Variants in SSBP2 observed in about 807,000 individuals in gnomAD.
SSBP2 encodes single-stranded DNA-binding protein 2.
In SSBP2, 17 loss-of-function variants were observed where a neutral mutation model predicts 61.8. The ratio of observed to expected loss-of-function variants is 0.28; its 90% CI spans 0.19 to 0.41. The LOEUF is 0.41. Ranked by LOEUF, SSBP2 falls within the 10% of genes least tolerant of loss-of-function variation. SSBP2 has a pLI of 1.00. For missense variants in SSBP2, 310 were observed against 458.7 expected, an observed-to-expected ratio of 0.68 and a Z score of 2.96; for synonymous variants, 139 against 141.3, an observed-to-expected ratio of 0.98 and a Z score of 0.12.
intron 4 of SSBP2, among the ~76,000 whole-genome samples, chr5:81,549,480 G>A (rs968999591): frequency 3.3e-5 from 5 of 152,074 alleles, no homozygotes; most frequent in South Asian, 2.1e-4. Context: ...CTTCTCGCAC[G>A]TATCCTACAC....
At chr5:81,602,597 G>A (rs1744474138) in intron 4 of SSBP2, among the ~76,000 whole-genome samples, 1 of 152,128 alleles carries the variant, frequency 6.6e-6, no homozygotes, top group African/African-American at 2.4e-5. Flanking sequence ...TCTCTGCCCT[G>A]AGACCGCATT....
chr5:81,643,792 G>A (rs566085342), intron 2 of SSBP2, among the ~76,000 whole-genome samples: 4 of 151,694 alleles, frequency 2.6e-5, no homozygotes, highest in African/African-American at 9.7e-5. Context: ...TAGTAGAGAC[G>A]GGATTTCACC....
At chr5:81,547,816 G>A (rs1449793944) in intron 4 of SSBP2, among the ~76,000 whole-genome samples, 1 of 152,058 alleles carries the variant, frequency 6.6e-6, no homozygotes, top group African/African-American at 2.4e-5. Context: ...AAACCAATCT[G>A]AAAAGGCTAC....
chr5:81,640,292 A>G (rs768943304), intron 2 of SSBP2, among the ~76,000 whole-genome samples: 2 of 152,144 alleles, frequency 1.3e-5, no homozygotes, highest in Non-Finnish European at 2.9e-5. Context: ...GTGAGCCGAG[A>G]TAGCACCACG....
intron 4 of SSBP2, among the ~76,000 whole-genome samples, chr5:81,587,763 G>A (rs10056087): frequency 0.084 from 12,544 of 148,916 alleles, 994 homozygotes; most frequent in African/African-American, 0.21. Flanking sequence ...ACACGCGCGC[G>A]CACACACACA....
intron 8 of SSBP2, among the ~76,000 whole-genome samples, chr5:81,467,498 C>T (rs1184588984): frequency 6.6e-6 from 1 of 151,900 alleles, no homozygotes; most frequent in African/African-American, 2.4e-5. Context: ...ATGCAAACTT[C>T]TATTCACAAA....
At chr5:81,617,963 G>A (rs973172637) in intron 3 of SSBP2, among the ~76,000 whole-genome samples, 1 of 135,926 alleles carries the variant, frequency 7.4e-6, no homozygotes, top group African/African-American at 2.8e-5. Flanking sequence ...CGCTAAACAT[G>A]GAAAGGAACA....
intron 5 of SSBP2, among the ~76,000 whole-genome samples, chr5:81,512,328 G>A (rs1022412062): frequency 2.6e-5 from 4 of 152,192 alleles, no homozygotes; most frequent in African/African-American, 9.7e-5. Context: ...TATCTGTACA[G>A]TGGGAATGAT....
intron 14 of SSBP2, among the ~76,000 whole-genome samples, chr5:81,440,032 G>A (rs1762928737): frequency 6.6e-6 from 1 of 152,036 alleles, no homozygotes; most frequent in Non-Finnish European, 1.5e-5. Context: ...GACAATGTAG[G>A]CAGTGTTCTC....
intron 4 of SSBP2, among the ~76,000 whole-genome samples, chr5:81,599,788 T>C (rs1424680419): frequency 6.6e-6 from 1 of 152,216 alleles, no homozygotes; most frequent in East Asian, 1.9e-4. Flanking sequence ...CAGAGGGGAA[T>C]GAGGCCTCAA....
intron 4 of SSBP2, among the ~76,000 whole-genome samples, chr5:81,599,087 C>T (rs1581134837): frequency 6.6e-6 from 1 of 152,166 alleles, no homozygotes; most frequent in Admixed American, 6.5e-5. Context: ...CTGAACCCCA[C>T]AGCAGAATTG....
intron 1 of SSBP2, among the ~76,000 whole-genome samples, chr5:81,726,361 G>A (rs1158347769): frequency 6.6e-6 from 1 of 152,046 alleles, no homozygotes; most frequent in Non-Finnish European, 1.5e-5. Context: ...CTGGGATCAG[G>A]CCAAAGGTTC....
intron 4 of SSBP2, among the ~76,000 whole-genome samples, chr5:81,589,105 G>A (rs1775301112): frequency 6.6e-6 from 1 of 151,958 alleles, no homozygotes; most frequent in Non-Finnish European, 1.5e-5. Context: ...ATGACAAGCT[G>A]CCTGGAAACT....
At chr5:81,702,314 T>C (rs1210603515) in intron 1 of SSBP2, among the ~76,000 whole-genome samples, 1 of 152,166 alleles carries the variant, frequency 6.6e-6, no homozygotes, top group African/African-American at 2.4e-5. Flanking sequence ...GAGGTTCCAG[T>C]GAGCCAAGAT....
chr5:81,735,452 T>C (rs1398244060), intron 1 of SSBP2, among the ~76,000 whole-genome samples: 1 of 152,228 alleles, frequency 6.6e-6, no homozygotes, highest in Non-Finnish European at 1.5e-5. Context: ...GGTGTAGCAT[T>C]TGCATATAAC....
At chr5:81,448,652 T>G (rs570447345) in intron 11 of SSBP2, 138 bp downstream of exon 11, 3 of 783,028 alleles carry the variant, frequency 3.8e-6, no homozygotes, top group African/African-American at 3.5e-5. Context: ...TGTACTGAGG[T>G]TGGCAGATGA....
intron 4 of SSBP2, among the ~76,000 whole-genome samples, chr5:81,547,460 T>G (rs974453095): frequency 4.0e-5 from 5 of 125,328 alleles, no homozygotes; most frequent in African/African-American, 1.8e-4. Context: ...TGAAAAGATG[T>G]GGAGAAAACA....
intron 6 of SSBP2, among the ~76,000 whole-genome samples, chr5:81,478,392 G>A (rs1288569197): frequency 2.0e-5 from 3 of 151,958 alleles, no homozygotes; most frequent in African/African-American, 4.8e-5. Flanking sequence ...CCAGGCTGGA[G>A]TGCAGTGGTG....
At chr5:81,607,337 C>A (rs993417656) in intron 4 of SSBP2, among the ~76,000 whole-genome samples, 2 of 152,186 alleles carry the variant, frequency 1.3e-5, no homozygotes, top group Non-Finnish European at 2.9e-5. Context: ...TTGGGGGCAT[C>A]TCATTCAGAA....
Sources: allele counts gnomAD v4.1 joint callset (sites outside exome capture counted in the v4.1 genomes callset), GRCh38; gene constraint gnomAD v4.1.1; transcripts MANE v1.5; gene names NCBI Gene and HGNC (gene_info 2026-07-23, HGNC 2026-07-21).